The following CACNA1C variants were observed in gnomAD, a reference collection of about 807,000 sequenced individuals.
The protein encoded by CACNA1C is voltage-dependent L-type calcium channel subunit alpha-1C.
In CACNA1C, 30 loss-of-function variants were observed where a neutral mutation model predicts 229.0. That is an observed-to-expected ratio of 0.13 (90% CI 0.10 to 0.18). The LOEUF is 0.18. CACNA1C is among the 10% of genes least tolerant of loss of function. CACNA1C has a pLI of 1.00. For missense variants in CACNA1C, 1,658 were observed against 2,845.0 expected (o/e 0.58, Z 9.49); for synonymous variants, 1,114 against 1,132.5 (o/e 0.98, Z 0.33).
At chr12:2,489,504 C>A (rs2099709532) in intron 6 of CACNA1C, among the ~76,000 whole-genome samples, 1 of 152,130 alleles carries the variant, frequency 6.6e-6, no homozygotes, top group Non-Finnish European at 1.5e-5. Flanking sequence ...TATGCCGATA[C>A]CTTTTGTTTC....
chr12:2,021,580 T>G (rs973822471), intron 1 of CACNA1C, among the ~76,000 whole-genome samples: 2 of 152,020 alleles, frequency 1.3e-5, no homozygotes, highest in African/African-American at 4.8e-5. Context: ...CTCAGGAGGC[T>G]GAGACAGGAG....
chr12:2,402,353 A>G (rs958380166), intron 3 of CACNA1C, among the ~76,000 whole-genome samples: 13 of 152,378 alleles, frequency 8.5e-5, no homozygotes, highest in African/African-American at 3.1e-4. Flanking sequence ...GGATAGTGCA[A>G]TTGGAAGGGA....
chr12:2,460,557 C>T (rs1279674158), intron 5 of CACNA1C, among the ~76,000 whole-genome samples: 1 of 152,150 alleles, frequency 6.6e-6, no homozygotes, highest in African/African-American at 2.4e-5. Flanking sequence ...GAGGAAATTT[C>T]CCGAGGACGG....
rs981497404 is a variant in CACNA1C at position 2,486,730 on chromosome 12, A to G, written c.916+468A>G. 6.6e-6 allele frequency among the ~76,000 whole-genome samples: 1 copy of G among 152,102 alleles called. No homozygotes were observed. The highest frequency in any genetic ancestry group is 2.4e-5 in the African/African-American group (1 of 41,418). The stretch of plus-strand genomic sequence containing the variant: ...ACCACTCTAAGATTTTTCTACCTTC[A>G]TGGTGCTGATTCCAGATCCTCTGTA... On this transcript the variant is annotated intron_variant, in intron 6 of 46. Transcript: ENST00000399655. The surrounding 1 kb of genome is among the most constrained non-coding windows in gnomAD (Gnocchi z 4.9).
chr12:2,256,952 A>G (rs1022969343), intron 3 of CACNA1C, among the ~76,000 whole-genome samples: 1 of 152,142 alleles, frequency 6.6e-6, no homozygotes, highest in Non-Finnish European at 1.5e-5. Flanking sequence ...CCATTCTTCT[A>G]TTACACCAGA....
At position 2,019,516 on chromosome 12, in the gene CACNA1C, GAAGGAAGGAAGGAAAAGA is replaced by G. The variant is rs1308834734; in HGVS notation, c.139+48331_139+48348del. ...GGGAGGGAGGGAGGGAGGGAGGAAG[GAAGGAAGGAAGGAAAAGA>G]AAGGAAGGAAGGAAAGAAGGAAGGA... On this transcript the variant is annotated intron_variant, in intron 1 of 46. Transcript: ENST00000682462. 1.3e-4 allele frequency among the ~76,000 whole-genome samples: 20 copies of G among 148,614 alleles called. 1 individual carries two copies. The highest frequency in any genetic ancestry group is 4.5e-4 in the African/African-American group (18 of 40,060).
chr12:2,259,125 G>A (rs1449646438), intron 3 of CACNA1C, among the ~76,000 whole-genome samples: 1 of 152,120 alleles, frequency 6.6e-6, no homozygotes, highest in Non-Finnish European at 1.5e-5. Context: ...TTAAGGAAAG[G>A]TAGCTTAAAG....
At chr12:2,481,005 G>A (rs1335187377) in intron 5 of CACNA1C, among the ~76,000 whole-genome samples, 1 of 152,182 alleles carries the variant, frequency 6.6e-6, no homozygotes, top group Non-Finnish European at 1.5e-5. Flanking sequence ...AGTATGGGTT[G>A]AAGATTACAT....
In CACNA1C at chr12:2,677,332, A is replaced by C; in HGVS notation, c.4956+111A>C. On this transcript the variant is annotated intron_variant, in intron 40 of 46. Transcript: ENST00000399655. The surrounding 1 kb of genome is among the most constrained non-coding windows in gnomAD (Gnocchi z 7.4). ...CAGGCTGGAGGCCAGGTCCCTGCAG[A>C]GGGAACCTTTCAGAGAGCTCCAGAC... is the stretch of plus-strand genomic sequence containing the variant. The C allele has an allele frequency of 8.0e-7, 1 of 1,249,074 alleles. No homozygotes were observed. Among genetic ancestry groups the C allele is most frequent in the Non-Finnish European group, 1.1e-6 (1 of 908,266 alleles). 77.4% of individuals were successfully genotyped at this position (1,249,074 alleles called of 1,614,324 possible).
At chr12:2,225,670 C>T (rs1285719715) in intron 3 of CACNA1C, among the ~76,000 whole-genome samples, 1 of 152,186 alleles carries the variant, frequency 6.6e-6, no homozygotes, top group Non-Finnish European at 1.5e-5. Context: ...CCAAAGTCAA[C>T]TAATACTCAG....
chr12:2,436,477 A>C (rs945451824), intron 3 of CACNA1C, among the ~76,000 whole-genome samples: 31 of 152,240 alleles, frequency 2.0e-4, no homozygotes, highest in African/African-American at 6.0e-4. Context: ...CAAGAGGCTA[A>C]GCACAGAATT....
intron 3 of CACNA1C, among the ~76,000 whole-genome samples, chr12:2,398,127 C>T (rs759669071): frequency 1.3e-5 from 2 of 152,246 alleles, no homozygotes; most frequent in Non-Finnish European, 2.9e-5. Flanking sequence ...GAGGACTTCT[C>T]ATTTTTGTGC....
intron 3 of CACNA1C, among the ~76,000 whole-genome samples, chr12:2,304,015 C>T (rs922740479): frequency 1.3e-5 from 2 of 152,162 alleles, no homozygotes; most frequent in African/African-American, 4.8e-5. Context: ...TGCAGATGGC[C>T]CCTGCCTCTT....
chr12:2,332,822 T>C (rs1593093911), intron 3 of CACNA1C, among the ~76,000 whole-genome samples: 1 of 152,328 alleles, frequency 6.6e-6, no homozygotes, highest in Non-Finnish European at 1.5e-5. Context: ...AAAATACGCA[T>C]TATAAATCTG....
chr12:2,475,060 T>G (rs919637299), intron 5 of CACNA1C, among the ~76,000 whole-genome samples: 18 of 151,900 alleles, frequency 1.2e-4, no homozygotes, highest in African/African-American at 4.4e-4. Flanking sequence ...AGCACTTTGG[T>G]GGGCCGAGGC....
chr12:2,286,711 C>A (rs562622665), intron 3 of CACNA1C, among the ~76,000 whole-genome samples: 22 of 152,150 alleles, frequency 1.4e-4, no homozygotes, highest in Non-Finnish European at 2.4e-4. Flanking sequence ...AAACAAGAAA[C>A]AATGACAGGA....
intron 9 of CACNA1C, among the ~76,000 whole-genome samples, chr12:2,527,497 G>A (rs1598951655): frequency 1.3e-5 from 2 of 152,272 alleles, no homozygotes; most frequent in South Asian, 4.1e-4. Context: ...TCATGTCCAT[G>A]ACTCATGAGA....
At chr12:2,420,908 G>C (rs767153022) in intron 3 of CACNA1C, among the ~76,000 whole-genome samples, 1 of 152,190 alleles carries the variant, frequency 6.6e-6, no homozygotes, top group Non-Finnish European at 1.5e-5. Context: ...GAATGTCCTT[G>C]GGGGTGCTCT....
At chr12:2,191,521 C>A (rs1370817383) in intron 3 of CACNA1C, among the ~76,000 whole-genome samples, 3 of 152,186 alleles carry the variant, frequency 2.0e-5, no homozygotes, top group East Asian at 3.8e-4. Context: ...TATACACACA[C>A]ATACACTCAC....
Sources: gnomAD v4.1 joint callset for allele counts (sites outside exome capture counted in the v4.1 genomes callset) on GRCh38, gnomAD v4.1.1 for gene constraint, Gnocchi (gnomAD v3.1) non-coding constraint, MANE v1.5 for transcripts, NCBI Gene and HGNC (gene_info 2026-07-23, HGNC 2026-07-21) for gene names.